The following WDR45B variants were observed in gnomAD, a reference collection of about 807,000 sequenced individuals.
WDR45B encodes WD repeat domain phosphoinositide-interacting protein 3.
WDR45B carries 20 observed loss-of-function variants against 44.6 expected under a neutral mutation model. The ratio of observed to expected loss-of-function variants is 0.45; its 90% CI spans 0.32 to 0.65. WDR45B has a LOEUF of 0.65. Ranked by LOEUF, WDR45B falls within the 30% of genes least tolerant of loss-of-function variation. WDR45B has a pLI of 0.05. For synonymous variants in WDR45B, 169 were observed against 164.9 expected (o/e 1.02, Z -0.19); for missense variants, 323 against 430.2 (o/e 0.75, Z 2.20).
intron 1 of WDR45B, among the ~76,000 whole-genome samples, chr17:82,645,404 T>TA (rs2045963660): frequency 6.6e-6 from 1 of 151,962 alleles, no homozygotes; most frequent in African/African-American, 2.4e-5. Context: ...GCAAAAGACT[T>TA]AGACATGTCA....
chr17:82,621,118 A>C (rs2045609785), intron 6 of WDR45B, among the ~76,000 whole-genome samples: 1 of 146,864 alleles, frequency 6.8e-6, no homozygotes, highest in South Asian at 2.1e-4. Flanking sequence ...TAGTGGCATG[A>C]TCTCAGCTCA....
intron 4 of WDR45B, chr17:82,626,838 A>C (rs2045705066): frequency 3.3e-6 from 1 of 304,602 alleles, no homozygotes; most frequent in South Asian, 3.5e-5. Flanking sequence ...ATTGAGAGGC[A>C]GCATTTGGCA....
At chr17:82,635,238 T>C (rs142881633) in intron 2 of WDR45B, among the ~76,000 whole-genome samples, 7 of 152,024 alleles carry the variant, frequency 4.6e-5, no homozygotes, top group Non-Finnish European at 1.0e-4. Context: ...AGTGTAACTA[T>C]TTCCTCAATG....
chr17:82,643,377 GAGCCGAGGTCATGCCATTGCACTCC>G (rs1307407688), intron 2 of WDR45B, among the ~76,000 whole-genome samples: 136 of 152,136 alleles, frequency 8.9e-4, no homozygotes, highest in Non-Finnish European at 1.6e-3. Context: ...AGGTTGCAAT[GAGCCGAGGTCATGCCATTGCACTCC>G]AGCCTGGGCG....
chr17:82,614,813 T>C lies in WDR45B; in HGVS notation c.*1106A>G, dbSNP rs1454201338. The C allele has an allele frequency of 6.6e-6, 1 of 152,114 alleles. No homozygotes were observed. Among genetic ancestry groups the C allele is most frequent in the Admixed American group, 6.5e-5 (1 of 15,278 alleles). The allele number at this position is 152,114 out of a possible 1,614,324, so 9.4% of individuals were successfully genotyped here. ...TGAAATCAAAACCATAAAATAGAGT[T>C]TAACGGGAATTTAAGAAAATTAAAT... On this transcript the variant is annotated 3_prime_UTR_variant, in exon 10 of 10. Coordinates refer to ENST00000392325, the MANE Select transcript of WDR45B (RefSeq NM_019613.4).
intron 2 of WDR45B, among the ~76,000 whole-genome samples, chr17:82,635,377 G>A (rs2045819352): frequency 6.6e-6 from 1 of 150,616 alleles, no homozygotes; most frequent in African/African-American, 2.5e-5. Context: ...ATGATCTTAG[G>A]CTTATTAATA....
intron 2 of WDR45B, among the ~76,000 whole-genome samples, chr17:82,639,031 C>T (rs944798327): frequency 4.6e-5 from 7 of 151,944 alleles, no homozygotes; most frequent in Non-Finnish European, 7.3e-5. Flanking sequence ...CCATGTTGGC[C>T]AGGATGGTCT....
Position 82,648,389 on chromosome 17 carries a change from TG to T in WDR45B, c.-50del. On this transcript the variant is annotated 5_prime_UTR_variant, in exon 1 of 10. Coordinates refer to ENST00000392325, the MANE Select transcript of WDR45B (RefSeq NM_019613.4). Reference sequence around the variant, plus strand: ...CTCCTCAGCGCTGCATGCCTCTCGCTGGGGACGGCGGCCTGGTCCCTTCGGG... The same window carrying T: ...CTCCTCAGCGCTGCATGCCTCTCGCTGGGACGGCGGCCTGGTCCCTTCGGG... 1 of 1,589,112 alleles carries T rather than the reference TG, an allele frequency of 6.3e-7. No homozygotes were observed. The highest frequency in any genetic ancestry group is 8.5e-7 in the Non-Finnish European group (1 of 1,169,870).
At position 82,621,738 on chromosome 17, in the gene WDR45B, C is replaced by T. The variant is rs201780751; in HGVS notation, c.489G>A (p.Thr163=). The T allele has an allele frequency of 2.2e-4, 351 of 1,614,156 alleles. 1 individual carries two copies. In the Middle Eastern group the frequency reaches 2.3e-3, roughly 11 times the overall value. Residue 163 remains threonine (T), a synonymous_variant, in exon 6 of 10, where the codon ACG becomes ACA. Transcript: ENST00000392325. Reference sequence around the variant, plus strand: ...CCAGGTCCACAAGCTGCACATGGCCCGTGTGCGTGCCCGGAAAGGCCAGGA... The same window carrying T: ...CCAGGTCCACAAGCTGCACATGGCCTGTGTGCGTGCCCGGAAAGGCCAGGA... ...NSLLAFPGTH[T]GHVQLVDLAS...
At chr17:82,629,863 G>C in intron 3 of WDR45B, 3 of 985,246 alleles carry the variant, frequency 3.0e-6, no homozygotes, top group Non-Finnish European at 3.6e-6. Flanking sequence ...CCAGATCCTA[G>C]TTCACCCACT....
At chr17:82,631,093 G>A in intron 2 of WDR45B, 71 bp from the exon 3 acceptor site, 1 of 1,481,332 alleles carries the variant, frequency 6.8e-7, no homozygotes, top group South Asian at 1.1e-5. Flanking sequence ...AAAGAAAAGA[G>A]AAAGTCAAGA....
intron 2 of WDR45B, among the ~76,000 whole-genome samples, chr17:82,641,167 G>A (rs139397704): frequency 0.02 from 3,043 of 152,024 alleles, 100 homozygotes; most frequent in African/African-American, 0.07. Context: ...GGGTTTCACC[G>A]TGTTGCCCAG....
intron 5 of WDR45B, among the ~76,000 whole-genome samples, chr17:82,624,619 T>C (rs1007690320): frequency 5.1e-5 from 7 of 136,710 alleles, no homozygotes; most frequent in African/African-American, 1.5e-4. Flanking sequence ...CGGAAATTTA[T>C]TGAAGTTTTT....
At chr17:82,643,814 A>C (rs1267213752) in intron 2 of WDR45B, 135 bp downstream of exon 2, 1 of 848,414 alleles carries the variant, frequency 1.2e-6, no homozygotes, top group African/African-American at 1.7e-5. Context: ...AGCTCCCTCC[A>C]AGTTTATGAG....
chr17:82,624,911 C>T (rs1349130821), intron 5 of WDR45B, among the ~76,000 whole-genome samples: 1 of 152,214 alleles, frequency 6.6e-6, no homozygotes, highest in Non-Finnish European at 1.5e-5. Flanking sequence ...AGCCACCGCG[C>T]CCGGCCACAA....
In WDR45B at chr17:82,631,766, G is replaced by T. The variant is rs572713321; in HGVS notation, c.143-744C>A. Among the ~76,000 whole-genome samples, 26 of 151,756 alleles carry T rather than the reference G, an allele frequency of 1.7e-4. 1 individual carries two copies. In the South Asian group the frequency reaches 5.4e-3, roughly 32 times the overall value. On this transcript the variant is annotated intron_variant, in intron 2 of 9. Transcript: ENST00000392325. ...AGGAAGCTAACTCAGCAAAATGTAT[G>T]AAATACTTGAATTCACATTTCAAGA...
chr17:82,637,058 G>A (rs1343227242), intron 2 of WDR45B, among the ~76,000 whole-genome samples: 2 of 152,008 alleles, frequency 1.3e-5, no homozygotes, highest in East Asian at 3.8e-4. Context: ...GATGCAAGGG[G>A]CACCCTTCTG....
At chr17:82,637,554 C>G (rs1461442326) in intron 2 of WDR45B, among the ~76,000 whole-genome samples, 1 of 152,012 alleles carries the variant, frequency 6.6e-6, no homozygotes, top group Non-Finnish European at 1.5e-5. Flanking sequence ...GCACCACACA[C>G]CAGTCACAAG....
At position 82,623,277 on chromosome 17, in the gene WDR45B, C is replaced by T. The variant is rs531775237; in HGVS notation, c.428-1478G>A. Among the ~76,000 whole-genome samples the T allele has an allele frequency of 1.3e-4, 19 of 151,288 alleles. No individual in the cohort carries two copies. In the South Asian group the frequency reaches 3.8e-3, roughly 30 times the overall value. On this transcript the variant is annotated intron_variant, in intron 5 of 9. Coordinates refer to ENST00000392325, the MANE Select transcript of WDR45B (RefSeq NM_019613.4). ...TGGCGGGTGCCTGTAATCCCAGCTA[C>T]TTGGGGGACTGAGGCAGGAGAATCG...
Sources: allele counts gnomAD v4.1 joint callset (sites outside exome capture counted in the v4.1 genomes callset), GRCh38; gene constraint gnomAD v4.1.1; transcripts MANE v1.5; gene names NCBI Gene and HGNC (gene_info 2026-07-23, HGNC 2026-07-21).